The following CAMKMT variants were observed in gnomAD, a reference collection of about 807,000 sequenced individuals.
The protein encoded by CAMKMT is CaM KMT.
In CAMKMT, 53 loss-of-function variants were observed where a neutral mutation model predicts 48.0. The observed-to-expected ratio is 1.10, with a 90% confidence interval of 0.89 to 1.39. The LOEUF is 1.39. Among genes scored for constraint, CAMKMT ranks in the 40% most tolerant of loss-of-function variants. The probability of loss-of-function intolerance (pLI) is 0.00; values close to 1 mark genes in which losing one functional copy is unlikely to be tolerated. For synonymous variants in CAMKMT, 165 were observed against 152.3 expected (o/e 1.08, Z -0.61); for missense variants, 428 against 402.7 (o/e 1.06, Z -0.54).
At chr2:44,580,814 TTTG>T (rs1330766892) in intron 3 of CAMKMT, among the ~76,000 whole-genome samples, 1 of 152,222 alleles carries the variant, frequency 6.6e-6, no homozygotes, top group Non-Finnish European at 1.5e-5. Flanking sequence ...GAAGCGCTTA[TTTG>T]CTAGCATTGA....
intron 6 of CAMKMT, among the ~76,000 whole-genome samples, chr2:44,712,822 C>A (rs1015349157): frequency 2.6e-5 from 4 of 152,062 alleles, no homozygotes; most frequent in Non-Finnish European, 5.9e-5. Context: ...ACTGAGGTGA[C>A]ACAGAAGAAT....
intron 3 of CAMKMT, among the ~76,000 whole-genome samples, chr2:44,559,099 G>A (rs1457131184): frequency 6.6e-6 from 1 of 152,076 alleles, no homozygotes; most frequent in Non-Finnish European, 1.5e-5. Flanking sequence ...ACAACAGATG[G>A]TTCTTCAAAG....
At chr2:44,415,922 A>G (rs1356713076) in intron 3 of CAMKMT, among the ~76,000 whole-genome samples, 1 of 152,214 alleles carries the variant, frequency 6.6e-6, no homozygotes, top group Non-Finnish European at 1.5e-5. Context: ...TTTAAAGGGA[A>G]ATTGCTACTA....
At chr2:44,364,859 A>T (rs1216589187) in intron 1 of CAMKMT, among the ~76,000 whole-genome samples, 1 of 152,202 alleles carries the variant, frequency 6.6e-6, no homozygotes, top group Non-Finnish European at 1.5e-5. Context: ...TAGCAGAGGT[A>T]TAAGAGCAAG....
At chr2:44,475,222 C>G (rs1370182756) in intron 3 of CAMKMT, among the ~76,000 whole-genome samples, 1 of 151,718 alleles carries the variant, frequency 6.6e-6, no homozygotes, top group East Asian at 1.9e-4. Context: ...CAAATGGAAA[C>G]TTTTAGTAAG....
intron 3 of CAMKMT, among the ~76,000 whole-genome samples, chr2:44,622,184 G>A (rs1200345380): frequency 6.6e-6 from 1 of 152,130 alleles, no homozygotes; most frequent in Non-Finnish European, 1.5e-5. Context: ...TTTCAAAAAT[G>A]GCCTTGGCTT....
intron 1 of CAMKMT, among the ~76,000 whole-genome samples, chr2:44,368,869 G>GTAT (rs888463260): frequency 6.6e-6 from 1 of 152,010 alleles, no homozygotes; most frequent in Non-Finnish European, 1.5e-5. Context: ...ATAAGACCCT[G>GTAT]TATTATTATT....
chr2:44,770,211 A>G (rs1243639768), intron 10 of CAMKMT, among the ~76,000 whole-genome samples: 2 of 152,220 alleles, frequency 1.3e-5, no homozygotes, highest in African/African-American at 2.4e-5. Context: ...GTGTGTGTTC[A>G]AGTACCCTCA....
chr2:44,508,414 T>C (rs1446889809), intron 3 of CAMKMT, among the ~76,000 whole-genome samples: 2 of 152,148 alleles, frequency 1.3e-5, no homozygotes, highest in African/African-American at 2.4e-5. Context: ...CCTATAGGTA[T>C]AGAACCAGTT....
At chr2:44,606,990 T>C (rs1352240525) in intron 3 of CAMKMT, among the ~76,000 whole-genome samples, 1 of 152,226 alleles carries the variant, frequency 6.6e-6, no homozygotes, top group Non-Finnish European at 1.5e-5. Context: ...TCAGTATTAG[T>C]AGCTCATAAT....
chr2:44,527,644 G>C (rs62135372), intron 3 of CAMKMT, among the ~76,000 whole-genome samples: 7,427 of 151,390 alleles, frequency 0.049, 303 homozygotes, highest in Admixed American at 0.12. Context: ...TTCTGATTTT[G>C]TGCAACATGT....
intron 7 of CAMKMT, among the ~76,000 whole-genome samples, chr2:44,723,063 G>GT (rs1456305150): frequency 2.0e-5 from 3 of 152,276 alleles, no homozygotes; most frequent in East Asian, 3.9e-4. Context: ...CCAGAAAAAT[G>GT]TAAGTGATAA....
chr2:44,713,302 C>T (rs1677983386), intron 6 of CAMKMT, among the ~76,000 whole-genome samples: 1 of 152,172 alleles, frequency 6.6e-6, no homozygotes, highest in African/African-American at 2.4e-5. Context: ...GTCATGTACT[C>T]ATACGACTCT....
chr2:44,577,410 G>A (rs756963959), intron 3 of CAMKMT, among the ~76,000 whole-genome samples: 6 of 152,062 alleles, frequency 3.9e-5, no homozygotes, highest in Non-Finnish European at 7.4e-5. Context: ...TTTAAGTTTA[G>A]GCATTAGAGA....
At chr2:44,639,662 A>G (rs1180550974) in intron 3 of CAMKMT, among the ~76,000 whole-genome samples, 1 of 152,228 alleles carries the variant, frequency 6.6e-6, no homozygotes, top group Non-Finnish European at 1.5e-5. Flanking sequence ...TCATTGGAAC[A>G]ACTTTCAGCA....
chr2:44,562,308 C>G (rs1558704520), intron 3 of CAMKMT, among the ~76,000 whole-genome samples: 1 of 152,096 alleles, frequency 6.6e-6, no homozygotes, highest in South Asian at 2.1e-4. Context: ...CTCTGTTTAC[C>G]CTTCTTTCTT....
At chr2:44,577,934 A>G (rs1297386211) in intron 3 of CAMKMT, among the ~76,000 whole-genome samples, 1 of 152,146 alleles carries the variant, frequency 6.6e-6, no homozygotes, top group Non-Finnish European at 1.5e-5. Context: ...TTGTCCTATC[A>G]TTTCTTCTTA....
At chr2:44,546,130 G>T (rs1667382109) in intron 3 of CAMKMT, among the ~76,000 whole-genome samples, 1 of 138,320 alleles carries the variant, frequency 7.2e-6, no homozygotes, top group Non-Finnish European at 1.5e-5. Context: ...TATTCTTTTG[G>T]ATCTGGCTAT....
intron 2 of CAMKMT, among the ~76,000 whole-genome samples, chr2:44,373,538 A>G (rs1275592407): frequency 1.3e-5 from 2 of 152,178 alleles, no homozygotes; most frequent in African/African-American, 4.8e-5. Flanking sequence ...GCCTTTTCTG[A>G]CAGTATTTCA....
Sources: allele counts gnomAD v4.1 joint callset (sites outside exome capture counted in the v4.1 genomes callset), GRCh38; gene constraint gnomAD v4.1.1; transcripts MANE v1.5; gene names NCBI Gene and HGNC (gene_info 2026-07-23, HGNC 2026-07-21).